The following PPP1R7 variants were observed in gnomAD, a reference collection of about 807,000 sequenced individuals.
PPP1R7 encodes protein phosphatase 1 regulatory subunit 7.
A neutral mutation model predicts 45.2 loss-of-function variants in PPP1R7; 18 were observed. That is an observed-to-expected ratio of 0.40 (90% CI 0.28 to 0.59). PPP1R7 has a LOEUF of 0.59. PPP1R7 is among the 20% of genes least tolerant of loss of function. The pLI is 0.46. For missense variants in PPP1R7, 314 were observed against 455.8 expected, an observed-to-expected ratio of 0.69 and a Z score of 2.83; for synonymous variants, 181 against 183.4, an observed-to-expected ratio of 0.99 and a Z score of 0.11.
At chr2:241,165,742 C>T (rs1575396253) in intron 7 of PPP1R7, among the ~76,000 whole-genome samples, 2 of 151,500 alleles carry the variant, frequency 1.3e-5, no homozygotes, top group Admixed American at 6.6e-5. Flanking sequence ...TACAGGCACC[C>T]GCCACCACGC....
intron 4 of PPP1R7, chr2:241,158,984 C>T: frequency 1.9e-6 from 1 of 531,506 alleles, no homozygotes; most frequent in Non-Finnish European, 3.4e-6. Flanking sequence ...GGGAGCCTGC[C>T]TCCTGCCTCC....
Position 241,166,468 on chromosome 2 carries a change from CTG to C in PPP1R7, c.819+32_819+33del, listed in dbSNP as rs768117034. The C allele has an allele frequency of 1.9e-6, 3 of 1,603,198 alleles. No homozygotes were observed. In the South Asian group the frequency reaches 3.3e-5, roughly 18 times the overall value. ...TAAGACACCCACTGTCTGTCTGGGG[CTG>C]TGTGGGCGGTGGGCACCAGGCGGGC... On this transcript the variant is annotated intron_variant, in intron 8 of 9. Transcript: ENST00000234038.
intron 8 of PPP1R7, chr2:241,167,015 C>T: frequency 3.1e-6 from 5 of 1,597,386 alleles, no homozygotes; most frequent in Non-Finnish European, 4.3e-6. Context: ...GTTCATGCTC[C>T]TCCCTCCCTC....
chr2:241,156,745 T>A (rs2067466026), intron 2 of PPP1R7, among the ~76,000 whole-genome samples: 1 of 152,260 alleles, frequency 6.6e-6, no homozygotes, highest in Non-Finnish European at 1.5e-5. Context: ...CAGCCTTATT[T>A]GGATCATAAT....
chr2:241,150,740 G>C (rs761229055), intron 1 of PPP1R7, among the ~76,000 whole-genome samples, 193 bp downstream of exon 1: 22 of 152,170 alleles, frequency 1.4e-4, no homozygotes, highest in Non-Finnish European at 1.5e-4. Context: ...GCCCGGGGGC[G>C]GCAGCGGCCG....
intron 8 of PPP1R7, among the ~76,000 whole-genome samples, chr2:241,169,372 G>A (rs78716409): frequency 0.018 from 2,711 of 152,302 alleles, 88 homozygotes; most frequent in African/African-American, 0.061. Context: ...TTACTTGGTC[G>A]TACATTTCCT....
At chr2:241,180,688 G>T (rs1236127087) in intron 9 of PPP1R7, among the ~76,000 whole-genome samples, 2 of 144,696 alleles carry the variant, frequency 1.4e-5, no homozygotes, top group Non-Finnish European at 2.9e-5. Context: ...CCAGCGGGGC[G>T]GTGCGAGTGT....
chr2:241,159,811 A>C (rs548608745), intron 5 of PPP1R7, among the ~76,000 whole-genome samples: 24 of 152,150 alleles, frequency 1.6e-4, no homozygotes, highest in Non-Finnish European at 2.8e-4. Flanking sequence ...TGGGAGGATC[A>C]CTTGAGCCTA....
intron 9 of PPP1R7, among the ~76,000 whole-genome samples, chr2:241,179,730 T>C (rs2067968505): frequency 6.6e-6 from 1 of 152,232 alleles, no homozygotes. Flanking sequence ...GTAACATCTT[T>C]GCCCCATCCT....
chr2:241,169,660 T>TGAGGGCAGA (rs1559425148), intron 8 of PPP1R7, 121 bp from the exon 9 acceptor site: 1 of 769,988 alleles, frequency 1.3e-6, no homozygotes, highest in Non-Finnish European at 2.2e-6. Flanking sequence ...CCTTACCCTG[T>TGAGGGCAGA]GAGGGCAGAG....
intron 6 of PPP1R7, among the ~76,000 whole-genome samples, chr2:241,161,460 A>G (rs1206723395): frequency 6.6e-6 from 1 of 152,022 alleles, no homozygotes; most frequent in African/African-American, 2.4e-5. Context: ...GAGTGAACTG[A>G]TGTACATACC....
At chr2:241,180,355 A>G (rs575707976) in intron 9 of PPP1R7, among the ~76,000 whole-genome samples, 19 of 149,038 alleles carry the variant, frequency 1.3e-4, no homozygotes, top group Non-Finnish European at 2.5e-4. Context: ...GTCTTGGGCT[A>G]CACATAAAAT....
intron 9 of PPP1R7, among the ~76,000 whole-genome samples, chr2:241,178,623 AT>A (rs60547782): frequency 4.5e-4 from 18 of 39,870 alleles, no homozygotes; most frequent in Non-Finnish European, 4.4e-4. Flanking sequence ...CGCTCCGCTA[AT>A]TTTTTTTTTT....
intron 8 of PPP1R7, among the ~76,000 whole-genome samples, chr2:241,168,844 G>C (rs2067767054): frequency 6.6e-6 from 1 of 152,212 alleles, no homozygotes; most frequent in African/African-American, 2.4e-5. Flanking sequence ...GGGGGGAGGA[G>C]TATTTGCTTT....
rs373787618 is a variant in PPP1R7, at chr2:241,150,717, C to T, written c.52+170C>T. Among the ~76,000 whole-genome samples, 995 of 152,110 alleles carry T rather than the reference C, an allele frequency of 6.5e-3. 10 individuals carry two copies. Among genetic ancestry groups the T allele is most frequent in the African/African-American group, 0.022 (921 of 41,558 alleles). ...GGGGAGCGGGGGAGGCGCTGGACCT[C>T]GGGGGAGCCCCGGCCCGGGGGCGGC... On this transcript the variant is annotated intron_variant, in intron 1 of 9. Coordinates refer to ENST00000234038, the MANE Select transcript of PPP1R7 (RefSeq NM_002712.3).
At chr2:241,177,186 G>A (rs573076501) in intron 9 of PPP1R7, among the ~76,000 whole-genome samples, 99 of 152,294 alleles carry the variant, frequency 6.5e-4, no homozygotes, top group Non-Finnish European at 2.8e-4. Context: ...AGCCAAGATC[G>A]TGCCACTGCA....
intron 8 of PPP1R7, 35 bp from the exon 9 acceptor site, chr2:241,169,746 G>A (rs1160253081): frequency 1.3e-6 from 2 of 1,543,426 alleles, no homozygotes; most frequent in Admixed American, 3.3e-5. Context: ...GTTGATCAGA[G>A]GTAATCCAGG....
In PPP1R7 at chr2:241,158,506, G is replaced by A. The variant is rs2067511825; in HGVS notation, c.260G>A (p.Arg87His). 6 of 1,613,944 alleles carry A rather than the reference G, an allele frequency of 3.7e-6. No individual in the cohort carries two copies. The highest frequency in any genetic ancestry group is 1.1e-5 in the South Asian group (1 of 91,086). Residue 87 changes from arginine to histidine, a missense_variant, in exon 4 of 10, where the codon CGC becomes CAC. Coordinates refer to ENST00000234038, the MANE Select transcript of PPP1R7 (RefSeq NM_002712.3). ...CAGGATGTTGATTTGAATCACTATC[G>A]CATAGGGAAGATTGAAGGATTTGAG... ...DAEDVDLNHY[R>H]IGKIEGFEVL...
At chr2:241,169,303 G>A (rs1292380325) in intron 8 of PPP1R7, among the ~76,000 whole-genome samples, 1 of 152,236 alleles carries the variant, frequency 6.6e-6, no homozygotes, top group African/African-American at 2.4e-5. Flanking sequence ...CAGATTCTTA[G>A]CCCCACTGAG....
Sources: gnomAD v4.1 joint callset for allele counts (sites outside exome capture counted in the v4.1 genomes callset) on GRCh38, gnomAD v4.1.1 for gene constraint, MANE v1.5 for transcripts, NCBI Gene and HGNC (gene_info 2026-07-23, HGNC 2026-07-21) for gene names.